RFX7: variants seen among roughly 807,000 people sequenced by gnomAD.
RFX7 encodes the protein regulatory factor X7.
In RFX7, 26 loss-of-function variants were observed where a neutral mutation model predicts 111.8. The observed-to-expected ratio is 0.23, with a 90% CI of 0.17 to 0.32. The LOEUF (loss-of-function observed/expected upper bound fraction) is 0.32. Ranked by LOEUF, RFX7 falls within the 10% of genes least tolerant of loss-of-function variation. The probability of loss-of-function intolerance (pLI) is 1.00; values close to 1 mark genes in which losing one functional copy is unlikely to be tolerated. For synonymous variants in RFX7, 624 were observed against 624.4 expected, an observed-to-expected ratio of 1.00 and a Z score of 0.01; for missense variants, 1,573 against 1,772.9, an observed-to-expected ratio of 0.89 and a Z score of 2.02.
intron 2 of RFX7, among the ~76,000 whole-genome samples, chr15:56,195,285 C>A (rs2043137331): frequency 6.6e-6 from 1 of 151,964 alleles, no homozygotes; most frequent in Non-Finnish European, 1.5e-5. Context: ...AATGCATATT[C>A]CTTTTGGATG....
intron 2 of RFX7, among the ~76,000 whole-genome samples, chr15:56,188,191 T>C (rs2043062110): frequency 6.6e-6 from 1 of 152,196 alleles, no homozygotes; most frequent in South Asian, 2.1e-4. Flanking sequence ...ATTCATTGGA[T>C]GACCTTAATT....
chr15:56,223,816 C>A (rs1042578679), intron 2 of RFX7, among the ~76,000 whole-genome samples: 5 of 151,976 alleles, frequency 3.3e-5, no homozygotes, highest in African/African-American at 1.2e-4. Context: ...TTGTTTTTTC[C>A]CCCATTTAAC....
chr15:56,195,049 A>G (rs1426127042), intron 2 of RFX7, among the ~76,000 whole-genome samples: 2 of 152,178 alleles, frequency 1.3e-5, no homozygotes, highest in African/African-American at 2.4e-5. Context: ...AATGTGATAT[A>G]TTATTAAAAT....
chr15:56,153,076 C>A (rs187422279), intron 3 of RFX7, among the ~76,000 whole-genome samples: 3 of 152,234 alleles, frequency 2.0e-5, no homozygotes, highest in Middle Eastern at 3.4e-3. Context: ...TAATAGCCTA[C>A]CAACCAAAAA....
chr15:56,199,235 C>G (rs2043172017), intron 2 of RFX7, among the ~76,000 whole-genome samples: 1 of 152,150 alleles, frequency 6.6e-6, no homozygotes, highest in Non-Finnish European at 1.5e-5. Flanking sequence ...ACTTAAGTTA[C>G]CACTGAGTGA....
At chr15:56,146,324 A>G (rs1401304167) in intron 3 of RFX7, among the ~76,000 whole-genome samples, 1 of 152,076 alleles carries the variant, frequency 6.6e-6, no homozygotes, top group Non-Finnish European at 1.5e-5. Flanking sequence ...CTGGTCTGGA[A>G]TTCCTGCCTG....
At chr15:56,222,019 G>T (rs1054305615) in intron 2 of RFX7, among the ~76,000 whole-genome samples, 2 of 152,062 alleles carry the variant, frequency 1.3e-5, no homozygotes, top group African/African-American at 4.8e-5. Context: ...CCTTGAGACT[G>T]AAGGACTTAT....
chr15:56,133,801 T>C (rs2042249848), intron 5 of RFX7, among the ~76,000 whole-genome samples: 1 of 152,132 alleles, frequency 6.6e-6, no homozygotes, highest in African/African-American at 2.4e-5. Context: ...TAAACCCAAA[T>C]GGCAAATTAT....
intron 2 of RFX7, among the ~76,000 whole-genome samples, chr15:56,210,504 C>T (rs1411960036): frequency 6.6e-6 from 1 of 150,832 alleles, no homozygotes; most frequent in Admixed American, 6.6e-5. Flanking sequence ...CCAAAAACAG[C>T]ACATTCTTCT....
At chr15:56,167,942 C>CA (rs1484329594) in intron 3 of RFX7, among the ~76,000 whole-genome samples, 1 of 152,092 alleles carries the variant, frequency 6.6e-6, no homozygotes, top group Non-Finnish European at 1.5e-5. Flanking sequence ...AAGATGAGTC[C>CA]AGTTTTTAAT....
At position 56,089,333 on chromosome 15, in the gene RFX7, A is replaced by G. The variant is rs1285531129; in HGVS notation, c.*4012T>C. On this transcript the variant is annotated 3_prime_UTR_variant, in exon 10 of 10. Transcript: ENST00000559447. ...GCAGCCATCTTGTGACTATGAGGTAATAGACACAGCAAAGCAAAGCTGAAG... is the reference window on the plus strand; with the variant it reads ...GCAGCCATCTTGTGACTATGAGGTAGTAGACACAGCAAAGCAAAGCTGAAG... 1.3e-5 allele frequency: 2 copies of G among 152,586 alleles called. No individual in the cohort carries two copies. Among genetic ancestry groups the G allele is most frequent in the African/African-American group, 2.4e-5 (1 of 41,450 alleles). 9.5% of individuals were successfully genotyped at this position (152,586 alleles called of 1,614,324 possible). A position where few individuals can be genotyped will look rare whatever the true frequency, so the allele number is the denominator to read the frequency against.
chr15:56,139,970 C>G (rs577625518), intron 5 of RFX7, among the ~76,000 whole-genome samples: 4 of 152,102 alleles, frequency 2.6e-5, no homozygotes, highest in Middle Eastern at 3.2e-3. Context: ...GCAGTCTGCC[C>G]GTTCTCAGAT....
intron 2 of RFX7, chr15:56,193,183 G>A: frequency 5.0e-6 from 1 of 202,004 alleles, no homozygotes; most frequent in Non-Finnish European, 1.1e-5. Context: ...TGACCATCAT[G>A]TGCTTGATGA....
intron 9 of RFX7, among the ~76,000 whole-genome samples, chr15:56,097,849 G>A (rs1287249431): frequency 6.6e-6 from 1 of 150,824 alleles, no homozygotes; most frequent in Non-Finnish European, 1.5e-5. Context: ...GAGTGGTTAT[G>A]TGCATACTTT....
intron 2 of RFX7, among the ~76,000 whole-genome samples, chr15:56,232,017 C>G (rs983306426): frequency 1.3e-5 from 2 of 152,202 alleles, no homozygotes; most frequent in Admixed American, 1.3e-4. Context: ...TTGAGCGGCT[C>G]CGCCCCTGTG....
chr15:56,235,317 A>G (rs895773430), intron 2 of RFX7, among the ~76,000 whole-genome samples: 2 of 151,992 alleles, frequency 1.3e-5, no homozygotes. Flanking sequence ...CTGGGGCTAC[A>G]GGCCCCGCCA....
intron 2 of RFX7, among the ~76,000 whole-genome samples, chr15:56,221,591 T>A (rs1299980557): frequency 6.6e-6 from 1 of 152,180 alleles, no homozygotes; most frequent in Non-Finnish European, 1.5e-5. Flanking sequence ...ATGGTCTTGT[T>A]TTTTATTCAT....
At chr15:56,226,941 G>C (rs1314658639) in intron 2 of RFX7, among the ~76,000 whole-genome samples, 7 of 152,144 alleles carry the variant, frequency 4.6e-5, no homozygotes. Context: ...TTTCTGTTTG[G>C]AGGTTCCTCA....
At chr15:56,120,526 T>C (rs1452860501) in intron 5 of RFX7, among the ~76,000 whole-genome samples, 2 of 152,204 alleles carry the variant, frequency 1.3e-5, no homozygotes, top group Non-Finnish European at 1.5e-5. Context: ...CTAGTACTAT[T>C]TGAATAAAAG....
Sources: allele counts gnomAD v4.1 joint callset (sites outside exome capture counted in the v4.1 genomes callset), GRCh38; gene constraint gnomAD v4.1.1; transcripts MANE v1.5; gene names NCBI Gene and HGNC (gene_info 2026-07-23, HGNC 2026-07-21).